Variants in IGSF21 observed in about 807,000 individuals in gnomAD.
IGSF21 encodes the protein immunoglobulin superfamily member 21.
IGSF21 carries 28 observed loss-of-function variants against 46.8 expected under a neutral mutation model. That is an observed-to-expected ratio of 0.60 (90% CI 0.44 to 0.82). The LOEUF is 0.82. IGSF21 is among the 40% of genes least tolerant of loss of function. The pLI is 0.00. For missense variants in IGSF21, 624 were observed against 665.5 expected (o/e 0.94, Z 0.69); for synonymous variants, 284 against 273.6 (o/e 1.04, Z -0.38).
intron 3 of IGSF21, among the ~76,000 whole-genome samples, chr1:18,328,527 C>A (rs537370970): frequency 2.0e-5 from 3 of 152,240 alleles, no homozygotes; most frequent in South Asian, 2.1e-4. Context: ...TGTCTTGTTC[C>A]CTTATATATA....
At chr1:18,141,692 G>A (rs876033) in intron 1 of IGSF21, among the ~76,000 whole-genome samples, 105,232 of 152,016 alleles carry the variant, frequency 0.69, 37,266 homozygotes, top group South Asian at 0.79. Flanking sequence ...TATTTGTAAA[G>A]ACGGGGACAA....
rs78897314 is a variant in IGSF21 at position 18,291,726 on chromosome 1, C to T, written c.184-140C>T. The T allele has an allele frequency of 4.3e-3, 4,360 of 1,010,480 alleles. 94 individuals carry two copies. In the African/African-American group the frequency reaches 0.052, roughly 12 times the overall value. The allele number at this position is 1,010,480 out of a possible 1,614,324, so 62.6% of individuals were successfully genotyped here. On this transcript the variant is annotated intron_variant, in intron 2 of 9. Coordinates refer to ENST00000251296, the MANE Select transcript of IGSF21 (RefSeq NM_032880.5). ...TAAAACATCGCTGCCTCCAGGAAGC[C>T]CTCGGTTATTACCTTATTCTCAGGA...
At chr1:18,217,037 G>A (rs193095588) in intron 1 of IGSF21, among the ~76,000 whole-genome samples, 23 of 152,182 alleles carry the variant, frequency 1.5e-4, no homozygotes, top group Admixed American at 6.5e-4. Flanking sequence ...CAGGGGGAGG[G>A]TGGTGCGAGG....
chr1:18,127,598 T>G (rs2086284457), intron 1 of IGSF21, among the ~76,000 whole-genome samples: 1 of 152,030 alleles, frequency 6.6e-6, no homozygotes, highest in South Asian at 2.1e-4. Context: ...AAGTCTCAGT[T>G]TTTCATCTGC....
intron 3 of IGSF21, among the ~76,000 whole-genome samples, chr1:18,309,532 A>T (rs1237062825): frequency 6.6e-6 from 1 of 151,956 alleles, no homozygotes; most frequent in African/African-American, 2.4e-5. Flanking sequence ...TCCTTTCCCC[A>T]TTGGCGTGGA....
intron 2 of IGSF21, among the ~76,000 whole-genome samples, chr1:18,265,583 C>T (rs1179004256): frequency 2.0e-5 from 3 of 151,896 alleles, no homozygotes; most frequent in Non-Finnish European, 2.9e-5. Flanking sequence ...TGCTTAGTCT[C>T]CATCCTATCA....
intron 4 of IGSF21, among the ~76,000 whole-genome samples, chr1:18,339,884 C>G (rs1303429899): frequency 2.0e-5 from 3 of 152,168 alleles, no homozygotes; most frequent in Non-Finnish European, 4.4e-5. Flanking sequence ...TTTTGGTTCT[C>G]TCATCCACTG....
chr1:18,294,894 G>GGC (rs2085298102), intron 3 of IGSF21, among the ~76,000 whole-genome samples: 1 of 152,256 alleles, frequency 6.6e-6, no homozygotes, highest in Non-Finnish European at 1.5e-5. Flanking sequence ...CTGGCGACGG[G>GGC]GCGCGGGACT....
At chr1:18,220,775 G>A (rs1447066314) in intron 1 of IGSF21, among the ~76,000 whole-genome samples, 2 of 152,134 alleles carry the variant, frequency 1.3e-5, no homozygotes, top group Non-Finnish European at 2.9e-5. Flanking sequence ...CCAAGTGAGG[G>A]AGAGGGCTTA....
intron 2 of IGSF21, among the ~76,000 whole-genome samples, chr1:18,282,207 CTG>C (rs2085167694): frequency 6.6e-6 from 1 of 152,128 alleles, no homozygotes; most frequent in Non-Finnish European, 1.5e-5. Flanking sequence ...TTCCTGACCC[CTG>C]TGTCCAAATG....
At chr1:18,143,873 C>G (rs988438367) in intron 1 of IGSF21, among the ~76,000 whole-genome samples, 1 of 152,124 alleles carries the variant, frequency 6.6e-6, no homozygotes, top group Non-Finnish European at 1.5e-5. Context: ...CTTGGATTCT[C>G]TCCCCAAGGC....
chr1:18,247,679 T>C (rs187300449), intron 2 of IGSF21, among the ~76,000 whole-genome samples: 1 of 152,170 alleles, frequency 6.6e-6, no homozygotes, highest in Non-Finnish European at 1.5e-5. Context: ...ATAATATCAA[T>C]ACCAATAACA....
At chr1:18,325,134 A>G (rs571014695) in intron 3 of IGSF21, among the ~76,000 whole-genome samples, 30 of 152,368 alleles carry the variant, frequency 2.0e-4, no homozygotes, top group African/African-American at 7.2e-4. Flanking sequence ...AAGCAGGTAC[A>G]GAGCAGGGGC....
intron 1 of IGSF21, among the ~76,000 whole-genome samples, chr1:18,188,213 G>A (rs955180890): frequency 2.6e-5 from 4 of 152,162 alleles, no homozygotes; most frequent in East Asian, 3.8e-4. Flanking sequence ...AAAAAGTCAC[G>A]TGGAACTGCT....
intron 1 of IGSF21, among the ~76,000 whole-genome samples, chr1:18,183,040 C>G (rs1353263462): frequency 2.6e-5 from 4 of 152,184 alleles, no homozygotes; most frequent in African/African-American, 4.8e-5. Context: ...ACCCTGCCCC[C>G]TCCTGGGCCT....
rs1321950153 is a variant in IGSF21 at position 18,378,280 on chromosome 1, G to A, written c.1358G>A (p.Arg453Gln). Residue 453 changes from arginine (R) to glutamine (Q), a missense_variant, in exon 10 of 10, where the codon CGG (arginine) becomes CAG (glutamine). Arg to Gln is a conservative substitution (Grantham distance 43, BLOSUM62 1). Coordinates refer to ENST00000251296, the MANE Select transcript of IGSF21 (RefSeq NM_032880.5). The stretch of plus-strand genomic sequence containing the variant: ...GGTTCCATTGGCCCCACTGGTGCCC[G>A]GCTCACCTTGGTGCTCGCCCTGACA... ...SNGSIGPTGA[R>Q]LTLVLALTVI... is the part of the protein sequence containing the mutation. 9.9e-6 allele frequency: 16 copies of A among 1,613,978 alleles called. No individual in the cohort carries two copies. The highest frequency in any genetic ancestry group is 4.5e-5 in the East Asian group (2 of 44,888).
In IGSF21 at chr1:18,378,250, G is replaced by C. The variant is rs941875126; in HGVS notation, c.1334-6G>C. On this transcript the variant is annotated splice_region_variant and splice_polypyrimidine_tract_variant and intron_variant, in intron 9 of 9. Transcript: ENST00000251296. ...GCTCTGACCCTTTCCCTGATTCCTG[G>C]CACAGGTTCCATTGGCCCCACTGGT... The C allele has an allele frequency of 1.2e-6, 2 of 1,613,648 alleles. No individual in the cohort carries two copies. The highest frequency in any genetic ancestry group is 1.7e-6 in the Non-Finnish European group (2 of 1,179,690).
At chr1:18,225,085 T>TCTCTCTCTCTCTCACACACACACACACA in intron 1 of IGSF21, among the ~76,000 whole-genome samples, 43 of 51,596 alleles carry the variant, frequency 8.3e-4, no homozygotes, top group African/African-American at 1.1e-3. Context: ...TCTCTCTCTC[T>TCTCTCTCTCTCTCACACACACACACACA]CACACACACA....
Position 18,378,280 on chromosome 1 carries a change from G to GGATCACCTTGGT in IGSF21, c.1359_1360insATCACCTTGGTG (p.Arg453_Leu454insIleThrLeuVal). The GGATCACCTTGGT allele has an allele frequency of 3.7e-6, 6 of 1,613,976 alleles. No individual in the cohort carries two copies. The highest frequency in any genetic ancestry group is 4.2e-6 in the Non-Finnish European group (5 of 1,179,956). ...GGTTCCATTGGCCCCACTGGTGCCC[G>GGATCACCTTGGT]GCTCACCTTGGTGCTCGCCCTGACA... On this transcript the variant is annotated inframe_insertion, in exon 10 of 10. Coordinates refer to ENST00000251296, the MANE Select transcript of IGSF21 (RefSeq NM_032880.5).
Sources: allele counts gnomAD v4.1 joint callset (sites outside exome capture counted in the v4.1 genomes callset), GRCh38; gene constraint gnomAD v4.1.1; transcripts MANE v1.5; gene names NCBI Gene and HGNC (gene_info 2026-07-23, HGNC 2026-07-21).